The following RAB2A variants were observed in gnomAD, a reference collection of about 807,000 sequenced individuals.
RAB2A encodes RAB2A, member RAS oncogene family, also known as ras-related protein Rab-2A.
A neutral mutation model predicts 32.5 loss-of-function variants in RAB2A; 7 were observed. That is an observed-to-expected ratio of 0.22 (90% CI 0.12 to 0.40). The LOEUF (loss-of-function observed/expected upper bound fraction) is 0.40, where lower values mean the gene tolerates loss of function less well. Ranked by LOEUF, RAB2A falls within the 10% of genes least tolerant of loss-of-function variation. The pLI is 1.00. For missense variants in RAB2A, 108 were observed against 260.7 expected, an observed-to-expected ratio of 0.41 and a Z score of 4.03; for synonymous variants, 79 against 85.2, an observed-to-expected ratio of 0.93 and a Z score of 0.40.
chr8:60,542,359 C>A (rs1807659231), intron 1 of RAB2A, among the ~76,000 whole-genome samples: 1 of 151,904 alleles, frequency 6.6e-6, no homozygotes, highest in Admixed American at 6.6e-5. Flanking sequence ...ACTAAAAATA[C>A]AAAAAATTAG....
intron 1 of RAB2A, among the ~76,000 whole-genome samples, chr8:60,525,979 CTATATGTA>C (rs972936299): frequency 2.3e-4 from 27 of 116,262 alleles, no homozygotes; most frequent in East Asian, 9.8e-4. Context: ...GTCTATATGT[CTATATGTA>C]TATATGTCTA....
chr8:60,585,498 A>G (rs557700220), intron 5 of RAB2A, among the ~76,000 whole-genome samples: 17 of 152,194 alleles, frequency 1.1e-4, no homozygotes, highest in Non-Finnish European at 2.2e-4. Context: ...TTTCTTATAA[A>G]GAAAGGGTCT....
At chr8:60,600,078 AAAC>A (rs1175571938) in intron 6 of RAB2A, among the ~76,000 whole-genome samples, 1 of 152,104 alleles carries the variant, frequency 6.6e-6, no homozygotes, top group Non-Finnish European at 1.5e-5. Flanking sequence ...AAAAAAAAAA[AAAC>A]AATGCAATTA....
chr8:60,547,210 G>C (rs1008945972), intron 1 of RAB2A, among the ~76,000 whole-genome samples: 2 of 152,128 alleles, frequency 1.3e-5, no homozygotes, highest in East Asian at 3.9e-4. Context: ...CACAGGGTTG[G>C]GGGTAAGGTC....
intron 6 of RAB2A, among the ~76,000 whole-genome samples, chr8:60,592,798 T>C (rs1803964361): frequency 6.6e-6 from 1 of 152,224 alleles, no homozygotes; most frequent in African/African-American, 2.4e-5. Flanking sequence ...AAGGTAAATG[T>C]ATTACTATAC....
chr8:60,567,600 GTT>G (rs1233665163), intron 2 of RAB2A, among the ~76,000 whole-genome samples: 1 of 151,568 alleles, frequency 6.6e-6, no homozygotes, highest in East Asian at 1.9e-4. Context: ...GATAATTTAT[GTT>G]TTTACAGCAT....
chr8:60,527,278 C>G (rs954750495), intron 1 of RAB2A, among the ~76,000 whole-genome samples: 1 of 152,138 alleles, frequency 6.6e-6, no homozygotes, highest in Non-Finnish European at 1.5e-5. Flanking sequence ...GCCCCTCCCC[C>G]AACATTGGAA....
chr8:60,536,543 A>C (rs922707191), intron 1 of RAB2A, among the ~76,000 whole-genome samples: 4 of 152,204 alleles, frequency 2.6e-5, no homozygotes, highest in African/African-American at 9.6e-5. Context: ...TTATGAAAGG[A>C]TTAGTAAAAT....
chr8:60,548,437 G>C (rs1586075194), intron 1 of RAB2A, among the ~76,000 whole-genome samples: 1 of 54,758 alleles, frequency 1.8e-5, no homozygotes, highest in African/African-American at 1.7e-4. Context: ...GGGCAGAGTG[G>C]CTCCTCACTT....
chr8:60,579,037 T>A (rs1803689782), intron 3 of RAB2A, among the ~76,000 whole-genome samples: 2 of 151,098 alleles, frequency 1.3e-5, no homozygotes, highest in Admixed American at 1.3e-4. Flanking sequence ...TTTTGTTGTT[T>A]TGTTTTGTTT....
intron 6 of RAB2A, among the ~76,000 whole-genome samples, chr8:60,593,729 A>AT (rs1358833833): frequency 6.6e-6 from 1 of 152,188 alleles, no homozygotes; most frequent in Non-Finnish European, 1.5e-5. Flanking sequence ...CTTAAATTGA[A>AT]TGAAAAAAAG....
At chr8:60,547,625 C>T (rs1158599304) in intron 1 of RAB2A, among the ~76,000 whole-genome samples, 9 of 123,088 alleles carry the variant, frequency 7.3e-5, no homozygotes, top group East Asian at 5.7e-4. Flanking sequence ...CCCTCACCTC[C>T]CGGACGGGGC....
Position 60,517,131 on chromosome 8 carries a change from G to A in RAB2A, c.-77G>A. The A allele has an allele frequency of 3.5e-6, 5 of 1,408,698 alleles. No individual in the cohort carries two copies. The highest frequency in any genetic ancestry group is 3.8e-6 in the Non-Finnish European group (4 of 1,064,758). The allele number at this position is 1,408,698 out of a possible 1,614,324, so 87.3% of individuals were successfully genotyped here. On this transcript the variant is annotated 5_prime_UTR_variant, in exon 1 of 8. Transcript: ENST00000262646. The stretch of plus-strand genomic sequence containing the variant: ...GCGCCTGGCGTTTCGAGGCTGAGCG[G>A]CACCGGGGTTGGGGCGCGGAGGAGG...
intron 2 of RAB2A, among the ~76,000 whole-genome samples, chr8:60,567,169 G>A (rs888732493): frequency 1.0e-4 from 15 of 148,002 alleles, no homozygotes; most frequent in African/African-American, 3.8e-4. Context: ...AGGCTGGAGT[G>A]CAGTGGTGCA....
intron 6 of RAB2A, among the ~76,000 whole-genome samples, chr8:60,617,888 C>G (rs1804473336): frequency 6.6e-6 from 1 of 152,156 alleles, no homozygotes; most frequent in African/African-American, 2.4e-5. Flanking sequence ...TTTTCTCTTC[C>G]ATCTAGCTTC....
At chr8:60,535,797 C>T (rs1807547569) in intron 1 of RAB2A, among the ~76,000 whole-genome samples, 2 of 152,232 alleles carry the variant, frequency 1.3e-5, no homozygotes, top group African/African-American at 4.8e-5. Flanking sequence ...CTACTGCTCT[C>T]TCATCTCCAC....
At chr8:60,563,265 G>A (rs1402953173) in intron 2 of RAB2A, among the ~76,000 whole-genome samples, 1 of 152,180 alleles carries the variant, frequency 6.6e-6, no homozygotes, top group Non-Finnish European at 1.5e-5. Flanking sequence ...CTATCTTTGA[G>A]TCATAGAAAC....
At chr8:60,613,077 A>G (rs1013791419) in intron 6 of RAB2A, among the ~76,000 whole-genome samples, 1 of 152,182 alleles carries the variant, frequency 6.6e-6, no homozygotes, top group Non-Finnish European at 1.5e-5. Context: ...TCTTTGCCCA[A>G]TATCTAAGTC....
At chr8:60,534,471 C>T (rs56141796) in intron 1 of RAB2A, among the ~76,000 whole-genome samples, 22,685 of 152,136 alleles carry the variant, frequency 0.15, 1,851 homozygotes, top group East Asian at 0.26. Context: ...AAAATTCTGT[C>T]TCTTTAAAAT....
Sources: allele counts gnomAD v4.1 joint callset (sites outside exome capture counted in the v4.1 genomes callset), GRCh38; gene constraint gnomAD v4.1.1; transcripts MANE v1.5; gene names NCBI Gene and HGNC (gene_info 2026-07-23, HGNC 2026-07-21).